DLG3: variants seen among roughly 807,000 people sequenced by gnomAD.
DLG3 encodes disks large homolog 3.
In DLG3, 1 loss-of-function variant was observed where a neutral mutation model predicts 64.1. The ratio of observed to expected loss-of-function variants is 0.02; its 90% CI spans 0.01 to 0.07. The LOEUF (loss-of-function observed/expected upper bound fraction) is 0.07, where lower values mean the gene tolerates loss of function less well. Among genes scored for constraint, DLG3 ranks in the 10% least tolerant of loss-of-function variants. The pLI is 1.00. For synonymous variants in DLG3, 245 were observed against 259.8 expected, an observed-to-expected ratio of 0.94 and a Z score of 0.55; for missense variants, 429 against 669.5, an observed-to-expected ratio of 0.64 and a Z score of 3.96.
chrX:70,454,012 T>C (rs1224597156), intron 8 of DLG3, among the ~76,000 whole-genome samples: 1 of 112,375 alleles, frequency 8.9e-6, no homozygotes, highest in East Asian at 2.8e-4. Context: ...TAACCCTGAT[T>C]GGCATTTGAC....
In DLG3 at chrX:70,481,613, C is replaced by G. The variant is rs185860636; in HGVS notation, c.1520+2349C>G. Among the ~76,000 whole-genome samples the G allele has an allele frequency of 1.2e-4, 13 of 111,975 alleles. No individual in the cohort carries two copies. The Admixed American group carries it at 1.2e-3, about 11-fold the overall frequency. On this transcript the variant is annotated intron_variant, in intron 10 of 18. Transcript: ENST00000374360. ...TCAAATCACTTCTCTTTCACTAGCCCGAAAGGAAGCGTGCATCTGCTTTTC... is the reference window on the plus strand; with the variant it reads ...TCAAATCACTTCTCTTTCACTAGCCGGAAAGGAAGCGTGCATCTGCTTTTC...
In DLG3 at chrX:70,450,295, G is replaced by A; in HGVS notation, c.830G>A (p.Arg277Gln). ...QKDGRLQIGD[R>Q]LLAVNNTNLQ... ...GATGGACGCCTACAGATTGGGGACC[G>A]GCTGCTGGCGGTGAGACAGACTTCA... The change falls in exon 5 of 19, where the codon CGG becomes CAG. Residue 277 changes from arginine (R) to glutamine (Q), a missense_variant. By Grantham distance (43) the Arg-to-Gln change is conservative. Around this residue, in one of 9 missense-constraint regions of DLG3, gnomAD observed 73 missense variants for 158.5 expected, o/e 0.46. Coordinates refer to ENST00000374360, the MANE Select transcript of DLG3 (RefSeq NM_021120.4). 1.7e-6 allele frequency: 2 copies of A among 1,180,087 alleles called. No individual in the cohort carries two copies. The highest frequency in any genetic ancestry group is 1.9e-5 in the South Asian group (1 of 53,330).
chrX:70,462,396 TGC>T (rs1343593510), intron 9 of DLG3, among the ~76,000 whole-genome samples: 1 of 108,016 alleles, frequency 9.3e-6, no homozygotes, highest in Non-Finnish European at 1.9e-5. Context: ...ACTACAGATG[TGC>T]ACCACCATGC....
chrX:70,465,472 C>G lies in DLG3; in HGVS notation c.1405+11156C>G, dbSNP rs778489540. 9.8e-5 allele frequency among the ~76,000 whole-genome samples: 11 copies of G among 112,101 alleles called. No individual in the cohort carries two copies. The South Asian group carries it at 4.1e-3, about 42-fold the overall frequency. On this transcript the variant is annotated intron_variant, in intron 9 of 18. Transcript: ENST00000374360. Reference sequence around the variant, plus strand: ...TCCTGGCTTTGTCCTTGAGCCTGTCCTGTTCAGTCTACTTTCCCATTCTCT... The same window carrying G: ...TCCTGGCTTTGTCCTTGAGCCTGTCGTGTTCAGTCTACTTTCCCATTCTCT...
At chrX:70,453,612 G>C in intron 7 of DLG3, 25 bp from the exon 8 acceptor site, 1 of 1,205,627 alleles carries the variant, frequency 8.3e-7, no homozygotes. Flanking sequence ...ACCTAGTCCT[G>C]ACTCCTCCAC....
chrX:70,477,247 A>G (rs2087069068), intron 9 of DLG3, among the ~76,000 whole-genome samples: 1 of 112,781 alleles, frequency 8.9e-6, no homozygotes, highest in Admixed American at 9.3e-5. Flanking sequence ...TGGCTTAAAG[A>G]TAGATTGGGT....
chrX:70,445,188 C>A lies in DLG3; in HGVS notation c.-14C>A. 1 of 1,140,931 alleles carries A rather than the reference C, an allele frequency of 8.8e-7. No homozygotes were observed. The highest frequency in any genetic ancestry group is 1.2e-6 in the Non-Finnish European group (1 of 857,497). The allele number at this position is 1,140,931 out of a possible 1,213,427, so 94.0% of individuals were successfully genotyped here. A position where few individuals can be genotyped will look rare whatever the true frequency, so the allele number is the denominator to read the frequency against. On this transcript the variant is annotated 5_prime_UTR_variant, in exon 1 of 19. Coordinates refer to ENST00000374360, the MANE Select transcript of DLG3 (RefSeq NM_021120.4). ...GGCGTGGGCTGGGGGGTCCGAGCCG[C>A]GGGGGGCAGTGCCATGCACAAGCAC... is the stretch of plus-strand genomic sequence containing the variant.
At chrX:70,454,105 C>A in intron 8 of DLG3, 109 bp from the exon 9 acceptor site, 1 of 644,541 alleles carries the variant, frequency 1.6e-6, no homozygotes, top group Non-Finnish European at 2.4e-6. Flanking sequence ...TTGGGAAAGG[C>A]ATCTAAACAG....
intron 9 of DLG3, among the ~76,000 whole-genome samples, chrX:70,476,773 C>T (rs1230151879): frequency 8.9e-6 from 1 of 112,339 alleles, no homozygotes; most frequent in East Asian, 2.8e-4. Flanking sequence ...ATAGAAGTGT[C>T]AACTTGGACA....
chrX:70,449,997 C>T, intron 4 of DLG3, 138 bp downstream of exon 4: 1 of 978,244 alleles, frequency 1.0e-6, no homozygotes, highest in South Asian at 2.2e-5. Flanking sequence ...ACTTTTTTGA[C>T]CTCAGGCCTC....
At chrX:70,495,549 G>A in intron 13 of DLG3, 96 bp downstream of exon 13, 1 of 837,458 alleles carries the variant, frequency 1.2e-6, no homozygotes, top group Middle Eastern at 2.8e-4. Flanking sequence ...TGAAGGGTGA[G>A]GGGAGGGCAG....
rs141763756 is a variant in DLG3 at position 70,469,512 on chromosome X, G to A, written c.1406-9638G>A. On this transcript the variant is annotated intron_variant, in intron 9 of 18. Coordinates refer to ENST00000374360, the MANE Select transcript of DLG3 (RefSeq NM_021120.4). ...GGATGGAGTGCAGTGGTGTAGTCTC[G>A]GCTCACTGCAACCTCCCCCTCCCAG... Among the ~76,000 whole-genome samples, 696 of 79,813 alleles carry A rather than the reference G, an allele frequency of 8.7e-3. 2 individuals carry two copies. Among genetic ancestry groups the A allele is most frequent in the South Asian group, 0.024 (44 of 1,832 alleles). 69.3% of individuals were successfully genotyped at this position (79,813 alleles called of 115,157 possible). A position where few individuals can be genotyped will look rare whatever the true frequency, so the allele number is the denominator to read the frequency against.
intron 9 of DLG3, among the ~76,000 whole-genome samples, chrX:70,476,954 C>T (rs1204886085): frequency 8.9e-6 from 1 of 112,897 alleles, no homozygotes; most frequent in Non-Finnish European, 1.9e-5. Context: ...ATTTAATAAA[C>T]TTGAAATTTT....
chrX:70,458,811 C>G (rs2086756800), intron 9 of DLG3, among the ~76,000 whole-genome samples: 1 of 112,563 alleles, frequency 8.9e-6, no homozygotes, highest in Non-Finnish European at 1.9e-5. Context: ...CCTGATTGCT[C>G]TAAACGGTTA....
chrX:70,475,666 G>A (rs923309819), intron 9 of DLG3, among the ~76,000 whole-genome samples: 2 of 112,239 alleles, frequency 1.8e-5, no homozygotes, highest in African/African-American at 6.5e-5. Flanking sequence ...TGAATTGTGA[G>A]TACATGTATA....
At chrX:70,451,716 G>A (rs2086620461) in intron 6 of DLG3, 151 bp from the exon 7 acceptor site, 6 of 626,761 alleles carry the variant, frequency 9.6e-6, no homozygotes, top group Admixed American at 2.7e-5. Flanking sequence ...CCTGGGTGGC[G>A]GGTGGATGGA....
chrX:70,494,936 C>G (rs1462766608), intron 12 of DLG3, among the ~76,000 whole-genome samples: 2 of 112,457 alleles, frequency 1.8e-5, no homozygotes, highest in Non-Finnish European at 3.8e-5. Context: ...GCCTACCTGG[C>G]ACACGCGGAC....
chrX:70,469,186 T>C (rs1191813922), intron 9 of DLG3, among the ~76,000 whole-genome samples: 1 of 109,693 alleles, frequency 9.1e-6, no homozygotes, highest in East Asian at 2.9e-4. Flanking sequence ...AATTCTCTTA[T>C]TTTTTTTGCA....
chrX:70,498,693 A>G (rs1398229985), intron 14 of DLG3, 123 bp downstream of exon 14: 8 of 636,527 alleles, frequency 1.3e-5, no homozygotes, highest in African/African-American at 2.2e-5. Flanking sequence ...CTCATGGCAC[A>G]TCCAGCCCCT....
Sources: allele counts gnomAD v4.1 joint callset (sites outside exome capture counted in the v4.1 genomes callset), GRCh38; gene constraint gnomAD v4.1.1; regional missense constraint gnomAD v4.1.1; transcripts MANE v1.5; gene names NCBI Gene and HGNC (gene_info 2026-07-23, HGNC 2026-07-21).